CDCA8: variants seen among roughly 807,000 people sequenced by gnomAD.
CDCA8 encodes the protein cell division cycle associated 8.
Under a neutral mutation model 40.0 loss-of-function variants are expected in CDCA8, and 25 were observed. The observed-to-expected ratio is 0.63, with a 90% confidence interval of 0.46 to 0.87. CDCA8 has a LOEUF of 0.87. Among genes scored for constraint, CDCA8 ranks in the 40% least tolerant of loss-of-function variants. The pLI, the probability that CDCA8 is intolerant of heterozygous loss-of-function variation, is 0.00. For missense variants in CDCA8, 280 were observed against 348.4 expected, an observed-to-expected ratio of 0.80 and a Z score of 1.56; for synonymous variants, 111 against 126.5, an observed-to-expected ratio of 0.88 and a Z score of 0.82.
chr1:37,701,052 C>T (rs182878083), intron 5 of CDCA8, among the ~76,000 whole-genome samples: 1 of 152,254 alleles, frequency 6.6e-6, no homozygotes, highest in African/African-American at 2.4e-5. Context: ...GAGCACATGC[C>T]AATTGCATGA....
chr1:37,701,624 C>T (rs1645564503), intron 5 of CDCA8, 130 bp from the exon 6 acceptor site: 1 of 562,132 alleles, frequency 1.8e-6, no homozygotes, highest in Admixed American at 3.4e-5. Context: ...TTCTGAGATA[C>T]ACCTTATTAT....
chr1:37,699,589 AG>A (rs1474165157), intron 4 of CDCA8, among the ~76,000 whole-genome samples: 2 of 2,344 alleles, frequency 8.5e-4, no homozygotes, highest in Non-Finnish European at 3.6e-3. Flanking sequence ...AAAGAAAGAA[AG>A]GAAAGGAAAG....
chr1:37,701,692 C>T, intron 5 of CDCA8, 62 bp from the exon 6 acceptor site: 1 of 1,113,712 alleles, frequency 9.0e-7, no homozygotes, highest in South Asian at 1.4e-5. Context: ...AAAAAAAACC[C>T]TCCTTACCTT....
intron 2 of CDCA8, among the ~76,000 whole-genome samples, chr1:37,695,649 A>G (rs1645521641): frequency 6.6e-6 from 1 of 152,168 alleles, no homozygotes; most frequent in East Asian, 1.9e-4. Flanking sequence ...GTGATGTTTG[A>G]GCTGAGTTTT....
intron 7 of CDCA8, among the ~76,000 whole-genome samples, chr1:37,704,089 C>G (rs544193658): frequency 6.6e-6 from 1 of 152,226 alleles, no homozygotes; most frequent in Non-Finnish European, 1.5e-5. Flanking sequence ...AGCATGCCAC[C>G]ATGCCTGGCT....
At chr1:37,703,541 C>T (rs550439002) in intron 7 of CDCA8, among the ~76,000 whole-genome samples, 194 bp downstream of exon 7, 39 of 152,270 alleles carry the variant, frequency 2.6e-4, no homozygotes, top group Middle Eastern at 3.4e-3. Context: ...GATGATGAAA[C>T]GCTGCGTCTA....
At chr1:37,700,652 A>C (rs1361741122) in intron 5 of CDCA8, 131 bp downstream of exon 5, 2 of 660,394 alleles carry the variant, frequency 3.0e-6, no homozygotes, top group Middle Eastern at 3.3e-4. Flanking sequence ...GCAATGACAA[A>C]AGAGATAATT....
At chr1:37,695,989 AAGTCT>A in intron 3 of CDCA8, 39 bp downstream of exon 3, 1 of 1,588,064 alleles carries the variant, frequency 6.3e-7, no homozygotes, top group Non-Finnish European at 8.6e-7. Context: ...GTGGTTACTT[AAGTCT>A]AGTCCAGTCC....
intron 8 of CDCA8, among the ~76,000 whole-genome samples, chr1:37,706,250 G>C (rs1455779300): frequency 6.6e-6 from 1 of 152,134 alleles, no homozygotes; most frequent in Non-Finnish European, 1.5e-5. Context: ...TGGGACTACA[G>C]GCACATGCCA....
chr1:37,703,442 A>G, intron 7 of CDCA8, 95 bp downstream of exon 7: 1 of 893,308 alleles, frequency 1.1e-6, no homozygotes, highest in Non-Finnish European at 1.9e-6. Flanking sequence ...TAGGCCAGGC[A>G]CGGTAGCTCA....
chr1:37,697,502 C>T (rs527380955), intron 3 of CDCA8, among the ~76,000 whole-genome samples: 1 of 152,314 alleles, frequency 6.6e-6, no homozygotes, highest in Non-Finnish European at 1.5e-5. Flanking sequence ...TAGCACATGT[C>T]AAAATCCTAG....
At chr1:37,702,183 G>A (rs928209822) in intron 6 of CDCA8, among the ~76,000 whole-genome samples, 1 of 151,810 alleles carries the variant, frequency 6.6e-6, no homozygotes, top group African/African-American at 2.4e-5. Context: ...TGGGATTATA[G>A]GCATGTGCCA....
chr1:37,702,037 C>CT (rs34220599), intron 6 of CDCA8, among the ~76,000 whole-genome samples: 28,619 of 119,028 alleles, frequency 0.24, 3,857 homozygotes, highest in Middle Eastern at 0.29. Flanking sequence ...TCCTTCCCCA[C>CT]TTTTTTTTTT....
intron 4 of CDCA8, among the ~76,000 whole-genome samples, chr1:37,699,919 C>CA (rs911015271): frequency 1.8e-3 from 239 of 129,838 alleles, no homozygotes; most frequent in East Asian, 3.1e-3. Flanking sequence ...GACTCTGTCT[C>CA]AAAAAAAAAA....
rs1645617906 is a variant in CDCA8, at chr1:37,708,443, T to A, written c.*77T>A. ...AGAGACTTCTTCCCTTCAGGCTTATTGTTTGAGTGTGAAGTTCCAGAGCAA... is the reference window on the plus strand; with the variant it reads ...AGAGACTTCTTCCCTTCAGGCTTATAGTTTGAGTGTGAAGTTCCAGAGCAA... On this transcript the variant is annotated 3_prime_UTR_variant, in exon 10 of 10. Coordinates refer to ENST00000373055, the MANE Select transcript of CDCA8 (RefSeq NM_001256875.2). 1.5e-6 allele frequency: 2 copies of A among 1,369,024 alleles called. No homozygotes were observed. Among genetic ancestry groups the A allele is most frequent in the Non-Finnish European group, 2.1e-6 (2 of 958,508 alleles). The allele number at this position is 1,369,024 out of a possible 1,614,324, so 84.8% of individuals were successfully genotyped here.
intron 8 of CDCA8, among the ~76,000 whole-genome samples, chr1:37,706,533 T>C (rs941182065): frequency 2.0e-5 from 3 of 152,350 alleles, no homozygotes; most frequent in Admixed American, 6.5e-5. Flanking sequence ...ACCTGTGATA[T>C]GCGCAATAAT....
chr1:37,698,185 A>G (rs1645539979), intron 3 of CDCA8, among the ~76,000 whole-genome samples: 1 of 152,240 alleles, frequency 6.6e-6, no homozygotes, highest in Non-Finnish European at 1.5e-5. Context: ...AGGAACTTGT[A>G]TTGTTTGCAG....
chr1:37,701,054 A>G (rs900855176), intron 5 of CDCA8, among the ~76,000 whole-genome samples: 1 of 152,172 alleles, frequency 6.6e-6, no homozygotes, highest in African/African-American at 2.4e-5. Context: ...GCACATGCCA[A>G]TTGCATGACA....
chr1:37,694,653 T>C (rs1645514563), intron 2 of CDCA8, among the ~76,000 whole-genome samples: 1 of 152,268 alleles, frequency 6.6e-6, no homozygotes, highest in African/African-American at 2.4e-5. Flanking sequence ...CTAATTTTTC[T>C]TCATAACTAA....
Sources: gnomAD v4.1 joint callset for allele counts (sites outside exome capture counted in the v4.1 genomes callset) on GRCh38, gnomAD v4.1.1 for gene constraint, MANE v1.5 for transcripts, NCBI Gene and HGNC (gene_info 2026-07-23, HGNC 2026-07-21) for gene names.